DELE1: variants seen among roughly 807,000 people sequenced by gnomAD.
DELE1 encodes the protein death ligand signal enhancer.
DELE1 carries 54 observed loss-of-function variants against 59.3 expected under a neutral mutation model. That is an observed-to-expected ratio of 0.91 (90% confidence interval 0.73 to 1.14). The LOEUF (loss-of-function observed/expected upper bound fraction) is 1.14. DELE1 is among the 50% of genes most tolerant of loss of function. The probability of loss-of-function intolerance (pLI) is 0.00; values close to 1 mark genes in which losing one functional copy is unlikely to be tolerated. For missense variants in DELE1, 636 were observed against 643.9 expected (o/e 0.99, Z 0.13); for synonymous variants, 264 against 259.1 (o/e 1.02, Z -0.18).
chr5:141,931,489 T>A (rs971885995), intron 7 of DELE1, among the ~76,000 whole-genome samples: 1 of 152,148 alleles, frequency 6.6e-6, no homozygotes, highest in African/African-American at 2.4e-5. Flanking sequence ...AAGATCTCTC[T>A]GGCTGCCATG....
chr5:141,933,418 A>G lies in DELE1; in HGVS notation c.897+17A>G, dbSNP rs780647769. 2 of 1,449,406 alleles carry G rather than the reference A, an allele frequency of 1.4e-6. No homozygotes were observed. Among genetic ancestry groups the G allele is most frequent in the Non-Finnish European group, 1.9e-6 (2 of 1,076,720 alleles). 89.8% of individuals were successfully genotyped at this position (1,449,406 alleles called of 1,614,324 possible). ...ATTAGCAAGGTATTCCCCTGCCCCCAAGCCTGCCTTCTGTGCTGGGCTGCT... is the reference window on the plus strand; with the variant it reads ...ATTAGCAAGGTATTCCCCTGCCCCCGAGCCTGCCTTCTGTGCTGGGCTGCT... On this transcript the variant is annotated intron_variant, in intron 8 of 11. Coordinates refer to ENST00000432126, the MANE Select transcript of DELE1 (RefSeq NM_014773.5).
rs1300020447 is a variant in DELE1 at position 141,929,695 on chromosome 5, C to T, written c.526C>T (p.His176Tyr). The change falls in exon 5 of 12, where the codon CAC (histidine) becomes TAC (tyrosine). Residue 176 changes from histidine (H) to tyrosine (Y), a missense_variant. By Grantham distance (83) the His-to-Tyr change is moderately conservative. Transcript: ENST00000432126. ...EASAQPRNFS[H>Y]NSLRGARPQD... ...CTCAGCTCAGCCCCGGAACTTCTCA[C>T]ACAACTCTTTGAGAGGAGCTCGTCC... 1.2e-6 allele frequency: 2 copies of T among 1,614,082 alleles called. No homozygotes were observed. The highest frequency in any genetic ancestry group is 2.2e-5 in the South Asian group (2 of 91,092).
chr5:141,927,755 A>T (rs1751535067), intron 3 of DELE1, among the ~76,000 whole-genome samples: 1 of 152,198 alleles, frequency 6.6e-6, no homozygotes, highest in African/African-American at 2.4e-5. Context: ...ACTAGGTGCC[A>T]ACCTACCCCA....
chr5:141,926,638 G>A (rs1751446524), intron 3 of DELE1, among the ~76,000 whole-genome samples: 1 of 152,236 alleles, frequency 6.6e-6, no homozygotes, highest in African/African-American at 2.4e-5. Flanking sequence ...CTTGACCTGT[G>A]TGACCCTTGG....
chr5:141,927,700 G>C (rs1358305412), intron 3 of DELE1, among the ~76,000 whole-genome samples: 2 of 152,194 alleles, frequency 1.3e-5, no homozygotes, highest in Non-Finnish European at 2.9e-5. Context: ...TGCAAGACTG[G>C]AAAGAGAGCC....
chr5:141,929,453 T>G (rs1289476654), intron 4 of DELE1, 129 bp from the exon 5 acceptor site: 2 of 913,854 alleles, frequency 2.2e-6, no homozygotes, highest in African/African-American at 3.3e-5. Context: ...TTTCACCATG[T>G]TGGCCAGGCT....
rs375389235 is a variant in DELE1, at chr5:141,924,756, T to A, written c.146+61T>A. On this transcript the variant is annotated intron_variant, in intron 2 of 11. Transcript: ENST00000432126. ...CTAGTCACCCTTTTTTTTTATTTTT[T>A]TTTTTTTGTTGTTTTTTGAGATGGA... 1.1e-3 allele frequency: 1,285 copies of A among 1,149,658 alleles called. 2 individuals are homozygous for A. Among genetic ancestry groups the A allele is most frequent in the East Asian group, 3.4e-3 (141 of 41,458 alleles). The allele number at this position is 1,149,658 out of a possible 1,614,324, so 71.2% of individuals were successfully genotyped here.
intron 7 of DELE1, among the ~76,000 whole-genome samples, chr5:141,932,183 G>A (rs1385224510): frequency 1.3e-5 from 2 of 152,150 alleles, no homozygotes; most frequent in Admixed American, 6.5e-5. Flanking sequence ...TGGTGGAGGC[G>A]GAAAGAAAGA....
rs530577911 is a variant in DELE1 at position 141,933,454 on chromosome 5, T to G, written c.897+53T>G. On this transcript the variant is annotated intron_variant, in intron 8 of 11. Coordinates refer to ENST00000432126, the MANE Select transcript of DELE1 (RefSeq NM_014773.5). ...CTGTGCTGGGCTGCTGAGATTGATG[T>G]CTAGAAATGAGCAGTGGGCAGGGAT... 8 of 1,346,704 alleles carry G rather than the reference T, an allele frequency of 5.9e-6. No homozygotes were observed. The African/African-American group carries it at 1.0e-4, about 17-fold the overall frequency. 83.4% of individuals were successfully genotyped at this position (1,346,704 alleles called of 1,614,324 possible).
At position 141,939,255 on chromosome 5, in the gene DELE1, C is replaced by A; in HGVS notation, c.*496C>A. On this transcript the variant is annotated 3_prime_UTR_variant, in exon 12 of 12. Coordinates refer to ENST00000432126, the MANE Select transcript of DELE1 (RefSeq NM_014773.5). Reference sequence around the variant, plus strand: ...ATAAAAATATGATTAGCATATTGACCTGTAGTTTGATAGATGTTCTGTCTA... The same window carrying A: ...ATAAAAATATGATTAGCATATTGACATGTAGTTTGATAGATGTTCTGTCTA... 1 of 543,958 alleles carries A rather than the reference C, an allele frequency of 1.8e-6. No individual in the cohort carries two copies. The highest frequency in any genetic ancestry group is 2.3e-6 in the Non-Finnish European group (1 of 427,298). 33.7% of individuals were successfully genotyped at this position (543,958 alleles called of 1,614,324 possible). A position where few individuals can be genotyped will look rare whatever the true frequency, so the allele number is the denominator to read the frequency against.
At chr5:141,930,820 C>T (rs1338970090) in intron 7 of DELE1, among the ~76,000 whole-genome samples, 2 of 152,204 alleles carry the variant, frequency 1.3e-5, no homozygotes, top group African/African-American at 4.8e-5. Context: ...TTTGCAGTAA[C>T]TTGGCTCATT....
At chr5:141,938,037 G>T (rs568315563) in intron 11 of DELE1, among the ~76,000 whole-genome samples, 1 of 151,720 alleles carries the variant, frequency 6.6e-6, no homozygotes, top group Non-Finnish European at 1.5e-5. Context: ...TGTTGGCCAG[G>T]CTGGTTTTGA....
At chr5:141,933,899 GTC>G (rs767774912) in intron 8 of DELE1, 2,087 of 175,522 alleles carry the variant, frequency 0.012, no homozygotes, top group South Asian at 0.023. Flanking sequence ...AGTGATCTAA[GTC>G]TCTCTCTCTC....
chr5:141,924,633 C>G lies in DELE1; in HGVS notation c.84C>G (p.Thr28=). 1 of 1,614,178 alleles carries G rather than the reference C, an allele frequency of 6.2e-7. No individual in the cohort carries two copies. The highest frequency in any genetic ancestry group is 8.5e-7 in the Non-Finnish European group (1 of 1,180,000). The change falls in exon 2 of 12, where the codon ACC becomes ACG. Residue 28 remains threonine (T), a synonymous_variant. Coordinates refer to ENST00000432126, the MANE Select transcript of DELE1 (RefSeq NM_014773.5). The part of the protein sequence containing the change: ...PSLWRVTPKS[T]SPDGPQTTSS... ...TCTGGAGGGTGACTCCTAAGTCCACCAGCCCAGATGGGCCTCAGACTACCT... is the reference window on the plus strand; with the variant it reads ...TCTGGAGGGTGACTCCTAAGTCCACGAGCCCAGATGGGCCTCAGACTACCT...
chr5:141,939,944 C>T lies in DELE1; in HGVS notation c.*1185C>T. 1 of 927,340 alleles carries T rather than the reference C, an allele frequency of 1.1e-6. No individual in the cohort carries two copies. The highest frequency in any genetic ancestry group is 1.3e-6 in the Non-Finnish European group (1 of 777,234). 57.4% of individuals were successfully genotyped at this position (927,340 alleles called of 1,614,324 possible). ...GCTGGGCCAGGGTGAGGACCTGGGC[C>T]TCCTGACTCCTGGCCCAGAGTTCTT... On this transcript the variant is annotated 3_prime_UTR_variant, in exon 12 of 12. Transcript: ENST00000432126.
intron 5 of DELE1, 61 bp from the exon 6 acceptor site, chr5:141,929,928 C>T (rs941585223): frequency 3.8e-5 from 59 of 1,552,306 alleles, no homozygotes; most frequent in Middle Eastern, 2.1e-4. Context: ...CTGGGAGAGT[C>T]GGAGAAAAGA....
In DELE1 at chr5:141,933,339, G is replaced by A; in HGVS notation, c.835G>A (p.Ala279Thr). 3.2e-6 allele frequency: 5 copies of A among 1,557,694 alleles called. No homozygotes were observed. Among genetic ancestry groups the A allele is most frequent in the South Asian group, 2.3e-5 (2 of 85,300 alleles). Residue 279 changes from alanine to threonine, a missense_variant, in exon 8 of 12, where the codon GCG (alanine) becomes ACG (threonine). Ala to Thr is a moderately conservative substitution (Grantham distance 58). Coordinates refer to ENST00000432126, the MANE Select transcript of DELE1 (RefSeq NM_014773.5). Reference sequence around the variant, plus strand: ...AGCTGCAGCCCGCGGCTACAGCAAAGCGCAGTACAATGCGGGCTTGTGTCA... The same window carrying A: ...AGCTGCAGCCCGCGGCTACAGCAAAACGCAGTACAATGCGGGCTTGTGTCA... ...QKAAARGYSK[A>T]QYNAGLCHEH... is the part of the protein sequence containing the mutation.
chr5:141,934,144 G>A, intron 8 of DELE1, 96 bp from the exon 9 acceptor site: 9 of 988,956 alleles, frequency 9.1e-6, no homozygotes, highest in Non-Finnish European at 8.5e-6. Flanking sequence ...TAATTATTAT[G>A]TATTAGTTAA....
chr5:141,941,956 T>TACACACGC lies in DELE1; in HGVS notation c.*3212_*3219dup, dbSNP rs1038805021. ...TGTATTGCCCCCCACTCGCCGCCTATACACACGCACACACGCACACACACA... is the reference window on the plus strand; with the variant it reads ...TGTATTGCCCCCCACTCGCCGCCTATACACACGCACACACGCACACACGCACACACACA... On this transcript the variant is annotated 3_prime_UTR_variant, in exon 12 of 12. Transcript: ENST00000432126. 1.6e-5 allele frequency: 16 copies of TACACACGC among 984,766 alleles called. No homozygotes were observed. The highest frequency in any genetic ancestry group is 6.2e-5 in the Admixed American group (1 of 16,260). The allele number at this position is 984,766 out of a possible 1,614,324, so 61.0% of individuals were successfully genotyped here. A position where few individuals can be genotyped will look rare whatever the true frequency, so the allele number is the denominator to read the frequency against.
Sources: allele counts gnomAD v4.1 joint callset (sites outside exome capture counted in the v4.1 genomes callset), GRCh38; gene constraint gnomAD v4.1.1; transcripts MANE v1.5; gene names NCBI Gene and HGNC (gene_info 2026-07-23, HGNC 2026-07-21).